CNTNAP4: variants seen among roughly 807,000 people sequenced by gnomAD.
The protein encoded by CNTNAP4 is contactin-associated protein-like 4.
CNTNAP4 carries 98 observed loss-of-function variants against 148.4 expected under a neutral mutation model. The ratio of observed to expected loss-of-function variants is 0.66; its 90% CI spans 0.56 to 0.78. The LOEUF (loss-of-function observed/expected upper bound fraction) is 0.78. Among genes scored for constraint, CNTNAP4 ranks in the 30% least tolerant of loss-of-function variants. The pLI is 0.00. For synonymous variants in CNTNAP4, 730 were observed against 565.1 expected (o/e 1.29, Z -4.14); for missense variants, 1,935 against 1,565.6 (o/e 1.24, Z -3.98).
chr16:76,369,318 T>C (rs7187416), intron 3 of CNTNAP4, among the ~76,000 whole-genome samples: 11,266 of 152,232 alleles, frequency 0.074, 1,372 homozygotes, highest in African/African-American at 0.26. Context: ...CATGGTATTA[T>C]GGTTACTGCT....
At chr16:76,333,611 T>C (rs1259566789) in intron 2 of CNTNAP4, among the ~76,000 whole-genome samples, 1 of 152,096 alleles carries the variant, frequency 6.6e-6, no homozygotes, top group Admixed American at 6.5e-5. Flanking sequence ...GGGCAGTTTC[T>C]ATTAATTTCT....
intron 1 of CNTNAP4, among the ~76,000 whole-genome samples, chr16:76,298,391 A>T (rs1959538894): frequency 6.6e-6 from 1 of 152,150 alleles, no homozygotes; most frequent in Admixed American, 6.6e-5. Context: ...AGTAGAATTG[A>T]AAATGAGTTT....
At chr16:76,496,510 T>C (rs925289942) in intron 14 of CNTNAP4, among the ~76,000 whole-genome samples, 1 of 152,080 alleles carries the variant, frequency 6.6e-6, no homozygotes, top group Non-Finnish European at 1.5e-5. Context: ...AACAACTACT[T>C]GAAATAAGCA....
rs536242824 is a variant in CNTNAP4, at chr16:76,343,317, A to G, written c.197-12001A>G. Among the ~76,000 whole-genome samples, 10 of 152,258 alleles carry G rather than the reference A, an allele frequency of 6.6e-5. 1 individual carries two copies. The South Asian group carries it at 1.9e-3, about 28-fold the overall frequency. ...GACTTTCTTTTTATCAAAAAGGACA[A>G]TTTAGAACTTTCCATTATACATTAC... is the stretch of plus-strand genomic sequence containing the variant. On this transcript the variant is annotated intron_variant, in intron 2 of 23. Coordinates refer to ENST00000611870, the MANE Select transcript of CNTNAP4 (RefSeq NM_033401.5).
At chr16:76,405,012 C>T (rs1458193143) in intron 3 of CNTNAP4, among the ~76,000 whole-genome samples, 1 of 151,082 alleles carries the variant, frequency 6.6e-6, no homozygotes, top group Non-Finnish European at 1.5e-5. Context: ...TTGTTGTAAC[C>T]TTAAAATAGA....
intron 4 of CNTNAP4, among the ~76,000 whole-genome samples, chr16:76,435,289 G>A (rs1382851059): frequency 6.6e-6 from 1 of 152,114 alleles, no homozygotes; most frequent in Non-Finnish European, 1.5e-5. Flanking sequence ...CAGGAGTGCA[G>A]TAGGCTTCCT....
intron 1 of CNTNAP4, among the ~76,000 whole-genome samples, chr16:76,299,144 A>T (rs944175520): frequency 6.6e-5 from 10 of 152,230 alleles, no homozygotes; most frequent in Admixed American, 6.5e-4. Context: ...CAGAATTGAC[A>T]AATGGGATCT....
intron 22 of CNTNAP4, 116 bp from the exon 23 acceptor site, chr16:76,553,718 CAG>C (rs1485493388): frequency 2.9e-6 from 2 of 685,270 alleles, no homozygotes; most frequent in Non-Finnish European, 5.0e-6. Flanking sequence ...TTGAAAATAA[CAG>C]AGATCCCACA....
intron 3 of CNTNAP4, among the ~76,000 whole-genome samples, chr16:76,374,959 G>A (rs1485631040): frequency 2.0e-5 from 3 of 151,878 alleles, no homozygotes; most frequent in Admixed American, 6.6e-5. Context: ...AGTAGAGATG[G>A]GGTTTCACCA....
At position 76,304,987 on chromosome 16, in the gene CNTNAP4, C is replaced by G. The variant is rs141727691; in HGVS notation, c.86-11426C>G. 2.0e-5 allele frequency among the ~76,000 whole-genome samples: 3 copies of G among 152,310 alleles called. No homozygotes were observed. The East Asian group carries it at 5.8e-4, about 29-fold the overall frequency. ...AGTATTTGGTGATATGTATGTAGCACAGTTTGTTTAATCACTCACCTGTTG... is the reference window on the plus strand; with the variant it reads ...AGTATTTGGTGATATGTATGTAGCAGAGTTTGTTTAATCACTCACCTGTTG... On this transcript the variant is annotated intron_variant, in intron 1 of 23. Transcript: ENST00000611870.
Position 76,366,715 on chromosome 16 carries a change from A to G in CNTNAP4, c.390+11204A>G, listed in dbSNP as rs556974958. ...AGGAATTGCCATACTGCTTTCCACA[A>G]TGGTTGAACTAATTTAGACTCCCAC... On this transcript the variant is annotated intron_variant, in intron 3 of 23. Transcript: ENST00000611870. Among the ~76,000 whole-genome samples, 6 of 152,256 alleles carry G rather than the reference A, an allele frequency of 3.9e-5. No homozygotes were observed. In the South Asian group the frequency reaches 1.2e-3, roughly 32 times the overall value.
intron 2 of CNTNAP4, among the ~76,000 whole-genome samples, chr16:76,345,020 C>T (rs143201483): frequency 1.6e-4 from 25 of 152,292 alleles, no homozygotes; most frequent in African/African-American, 6.0e-4. Flanking sequence ...TTGATCCTAA[C>T]ACTGGATATT....
intron 8 of CNTNAP4, among the ~76,000 whole-genome samples, chr16:76,460,206 C>T (rs990173443): frequency 2.6e-5 from 4 of 152,012 alleles, no homozygotes; most frequent in South Asian, 2.1e-4. Context: ...CTCCCAGGTT[C>T]GAGCAGTTCT....
chr16:76,462,827 G>A (rs1253046323), intron 9 of CNTNAP4, among the ~76,000 whole-genome samples: 1 of 152,208 alleles, frequency 6.6e-6, no homozygotes, highest in Admixed American at 6.5e-5. Flanking sequence ...TTCTAATCAT[G>A]TTGAGGTGTT....
chr16:76,362,159 T>C (rs1251284417), intron 3 of CNTNAP4, among the ~76,000 whole-genome samples: 2 of 151,930 alleles, frequency 1.3e-5, no homozygotes, highest in Admixed American at 1.3e-4. Context: ...TAGAATAGTA[T>C]CAAAAAGAAT....
intron 10 of CNTNAP4, among the ~76,000 whole-genome samples, chr16:76,473,836 G>A (rs541736587): frequency 0.013 from 497 of 37,122 alleles, 1 homozygote; most frequent in Admixed American, 0.026. Context: ...GGCAGGTTTT[G>A]TAGGTTTTTT....
chr16:76,318,760 C>A (rs533879486), intron 2 of CNTNAP4, among the ~76,000 whole-genome samples: 71 of 136,508 alleles, frequency 5.2e-4, no homozygotes, highest in Non-Finnish European at 9.1e-5. Flanking sequence ...TAATAATATT[C>A]ATAATAATAA....
At chr16:76,474,443 T>C (rs1171163888) in intron 10 of CNTNAP4, among the ~76,000 whole-genome samples, 1 of 152,190 alleles carries the variant, frequency 6.6e-6, no homozygotes, top group Non-Finnish European at 1.5e-5. Flanking sequence ...GGAATGTTAG[T>C]ACCATTTTAG....
chr16:76,318,104 C>G (rs78729996), intron 2 of CNTNAP4, among the ~76,000 whole-genome samples: 2,173 of 152,294 alleles, frequency 0.014, 25 homozygotes, highest in South Asian at 0.026. Flanking sequence ...ATTCCAGGCC[C>G]TGTACCTATG....
Sources: allele counts gnomAD v4.1 joint callset (sites outside exome capture counted in the v4.1 genomes callset), GRCh38; gene constraint gnomAD v4.1.1; transcripts MANE v1.5; gene names NCBI Gene and HGNC (gene_info 2026-07-23, HGNC 2026-07-21).